Variants in PRDM16 observed in about 807,000 individuals in gnomAD.
PRDM16 encodes the protein PR/SET domain 16.
PRDM16 carries 23 observed loss-of-function variants against 110.6 expected under a neutral mutation model. The observed-to-expected ratio is 0.21, with a 90% CI of 0.15 to 0.29. The LOEUF (loss-of-function observed/expected upper bound fraction) is 0.29, where lower values mean the gene tolerates loss of function less well. PRDM16 is among the 10% of genes least tolerant of loss of function. The probability of loss-of-function intolerance (pLI) is 1.00; values close to 1 mark genes in which losing one functional copy is unlikely to be tolerated. For synonymous variants in PRDM16, 799 were observed against 781.8 expected (o/e 1.02, Z -0.37); for missense variants, 1,615 against 1,794.3 (o/e 0.90, Z 1.81).
At position 3,353,969 on chromosome 1, in the gene PRDM16, G is replaced by T. The variant is rs1185027838; in HGVS notation, c.439-31183G>T. Among the ~76,000 whole-genome samples, 1 of 152,318 alleles carries T rather than the reference G, an allele frequency of 6.6e-6. No individual in the cohort carries two copies. The highest frequency in any genetic ancestry group is 1.9e-4 in the East Asian group (1 of 5,182). ...CACTGCTGAGCCCACACAGGCCCAA[G>T]AGAAAAGGGAAGTGTGGCCAACTCT... On this transcript the variant is annotated intron_variant, in intron 3 of 16. Coordinates refer to ENST00000270722, the MANE Select transcript of PRDM16 (RefSeq NM_022114.4). The surrounding 1 kb of genome is among the most constrained non-coding windows in gnomAD (Gnocchi z 5.4).
intron 1 of PRDM16, among the ~76,000 whole-genome samples, chr1:3,073,147 C>T (rs1018307798): frequency 3.9e-5 from 6 of 152,190 alleles, no homozygotes; most frequent in African/African-American, 1.2e-4. Context: ...GTAGGCAGTG[C>T]GCAGGGCAGG....
chr1:3,216,379 G>T (rs1250350829), intron 2 of PRDM16, among the ~76,000 whole-genome samples: 1 of 152,218 alleles, frequency 6.6e-6, no homozygotes, highest in African/African-American at 2.4e-5. Context: ...TCCACAGAGA[G>T]GAGACCCACA....
intron 1 of PRDM16, among the ~76,000 whole-genome samples, chr1:3,174,737 T>C (rs1473883914): frequency 6.6e-6 from 1 of 152,088 alleles, no homozygotes; most frequent in Admixed American, 6.5e-5. Context: ...GCTGGGAGCC[T>C]GTCTCTGAGG....
intron 2 of PRDM16, among the ~76,000 whole-genome samples, chr1:3,225,966 C>T (rs1043771313): frequency 3.9e-5 from 6 of 152,242 alleles, no homozygotes; most frequent in African/African-American, 9.6e-5. Flanking sequence ...CTCCTGCATC[C>T]GTGCCTCAGC....
intron 3 of PRDM16, among the ~76,000 whole-genome samples, chr1:3,328,907 G>T (rs887155706): frequency 6.6e-6 from 1 of 152,166 alleles, no homozygotes; most frequent in African/African-American, 2.4e-5. Context: ...CAGTGAGACC[G>T]TGAAGCCCAG....
At chr1:3,181,111 C>T (rs76002663) in intron 1 of PRDM16, among the ~76,000 whole-genome samples, 5,125 of 137,266 alleles carry the variant, frequency 0.037, 268 homozygotes, top group East Asian at 0.12. Context: ...GTCTTACACG[C>T]GGCCTTACAC....
intron 1 of PRDM16, among the ~76,000 whole-genome samples, chr1:3,127,313 C>T (rs1308767867): frequency 2.6e-5 from 4 of 152,220 alleles, no homozygotes; most frequent in Non-Finnish European, 4.4e-5. Context: ...TTGCCAAAAG[C>T]TGATATATGT....
Position 3,298,373 on chromosome 1 carries a change from G to T in PRDM16, c.438+54236G>T, listed in dbSNP as rs748093972. Among the ~76,000 whole-genome samples, 4 of 152,218 alleles carry T rather than the reference G, an allele frequency of 2.6e-5. 1 individual carries two copies. The highest frequency in any genetic ancestry group is 5.9e-5 in the Non-Finnish European group (4 of 68,040). On this transcript the variant is annotated intron_variant, in intron 3 of 16. Coordinates refer to ENST00000270722, the MANE Select transcript of PRDM16 (RefSeq NM_022114.4). ...CAGAGGCTCGAGCAGCCTCGCTGTC[G>T]GGAGGAGGGAAGCGCTGCAGGGCTG...
intron 1 of PRDM16, among the ~76,000 whole-genome samples, chr1:3,083,267 C>A (rs924275040): frequency 4.6e-5 from 7 of 152,218 alleles, no homozygotes; most frequent in African/African-American, 1.2e-4. Context: ...CACCAAGCAG[C>A]AACCTGGCGG....
At chr1:3,329,338 T>C (rs1249718452) in intron 3 of PRDM16, among the ~76,000 whole-genome samples, 1 of 152,110 alleles carries the variant, frequency 6.6e-6, no homozygotes, top group Non-Finnish European at 1.5e-5. Context: ...GGGTCAAGCA[T>C]CCGGGTAGGA....
chr1:3,338,602 G>C (rs192434250), intron 3 of PRDM16, among the ~76,000 whole-genome samples: 67 of 152,262 alleles, frequency 4.4e-4, no homozygotes, highest in African/African-American at 1.6e-3. Flanking sequence ...TTGGCCTCTG[G>C]GTGCTCAGCC....
rs781027564 is a variant in PRDM16, at chr1:3,090,119, G to A, written c.37+20823G>A. On this transcript the variant is annotated intron_variant, in intron 1 of 16. Coordinates refer to ENST00000270722, the MANE Select transcript of PRDM16 (RefSeq NM_022114.4). Reference sequence around the variant, plus strand: ...AACCCCCCAGCCAGGATGGCCCTGTGTGCTCATTCGTGACATGGGGACTGG... The same window carrying A: ...AACCCCCCAGCCAGGATGGCCCTGTATGCTCATTCGTGACATGGGGACTGG... Among the ~76,000 whole-genome samples, 4 of 152,222 alleles carry A rather than the reference G, an allele frequency of 2.6e-5. 1 individual carries two copies. In the South Asian group the frequency reaches 6.2e-4, roughly 24 times the overall value.
Position 3,157,331 on chromosome 1 carries a change from T to A in PRDM16, c.38-28794T>A, listed in dbSNP as rs1016629694. Among the ~76,000 whole-genome samples the A allele has an allele frequency of 1.3e-5, 2 of 151,830 alleles. No homozygotes were observed. Among genetic ancestry groups the A allele is most frequent in the African/African-American group, 4.8e-5 (2 of 41,302 alleles). Reference sequence around the variant, plus strand: ...CCCAAACACAGCCAGCATTTTGTTGTGTTTACCGCATTTATTCTATTGATT... The same window carrying A: ...CCCAAACACAGCCAGCATTTTGTTGAGTTTACCGCATTTATTCTATTGATT... On this transcript the variant is annotated intron_variant, in intron 1 of 16. Transcript: ENST00000270722. The surrounding 1 kb of genome is among the most constrained non-coding windows in gnomAD (Gnocchi z 4.8).
chr1:3,212,617 G>A, intron 2 of PRDM16, among the ~76,000 whole-genome samples: 1 of 145,862 alleles, frequency 6.9e-6, no homozygotes, highest in African/African-American at 2.6e-5. Context: ...CCCCCTCGCT[G>A]AGGTCCTCCC....
At chr1:3,297,280 ATTTTTTT>A (rs34666813) in intron 3 of PRDM16, among the ~76,000 whole-genome samples, 3 of 120,982 alleles carry the variant, frequency 2.5e-5, no homozygotes, top group Admixed American at 8.4e-5. Context: ...GGTGAGAGGA[ATTTTTTT>A]TTTTTTTTTT....
intron 1 of PRDM16, among the ~76,000 whole-genome samples, chr1:3,129,150 G>A (rs904706160): frequency 2.0e-5 from 3 of 150,982 alleles, no homozygotes; most frequent in South Asian, 2.1e-4. Flanking sequence ...CCTGCCTGGC[G>A]TGCGTGTGTG....
Position 3,425,883 on chromosome 1 carries a change from G to A in PRDM16, c.3109+133G>A. ...CAGACTACCCCTCAGGAAGCCAACA[G>A]GCACCCCTCAAACCGTGGTCATTAA... On this transcript the variant is annotated intron_variant, in intron 13 of 16. Coordinates refer to ENST00000270722, the MANE Select transcript of PRDM16 (RefSeq NM_022114.4). This position sits in a 1 kb window ranked among gnomAD's most constrained non-coding sequence, Gnocchi z 6.9. 7.7e-7 allele frequency: 1 copy of A among 1,291,716 alleles called. No homozygotes were observed. The allele number at this position is 1,291,716 out of a possible 1,614,324, so 80.0% of individuals were successfully genotyped here. A position where few individuals can be genotyped will look rare whatever the true frequency, so the allele number is the denominator to read the frequency against.
At chr1:3,181,021 C>CCT (rs1411174311) in intron 1 of PRDM16, among the ~76,000 whole-genome samples, 1 of 137,542 alleles carries the variant, frequency 7.3e-6, no homozygotes, top group Non-Finnish European at 1.6e-5. Context: ...CTTACAAATG[C>CCT]GGTCTTACAC....
rs144267400 is a variant in PRDM16, at chr1:3,191,409, C to T, written c.387+4935C>T. ...CATGGGACCCCCAAGCCGGTGCCTC[C>T]TGGGTCCCCAGAGCCCACTGAGAGC... On this transcript the variant is annotated intron_variant, in intron 2 of 16. Transcript: ENST00000270722. Among the ~76,000 whole-genome samples, 1,277 of 152,326 alleles carry T rather than the reference C, an allele frequency of 8.4e-3. 18 individuals carry two copies. The highest frequency in any genetic ancestry group is 0.014 in the Non-Finnish European group (930 of 68,020).
Sources: allele counts gnomAD v4.1 joint callset (sites outside exome capture counted in the v4.1 genomes callset), GRCh38; gene constraint gnomAD v4.1.1; non-coding constraint Gnocchi (gnomAD v3.1); transcripts MANE v1.5; gene names NCBI Gene and HGNC (gene_info 2026-07-23, HGNC 2026-07-21).